The following KCNH8 variants were observed in gnomAD, a reference collection of about 807,000 sequenced individuals.
The protein encoded by KCNH8 is potassium voltage-gated channel subfamily H member 8.
Under a neutral mutation model 103.6 loss-of-function variants are expected in KCNH8, and 70 were observed. That is an observed-to-expected ratio of 0.68 (90% CI 0.56 to 0.82). The LOEUF (loss-of-function observed/expected upper bound fraction) is 0.82. KCNH8 is among the 40% of genes least tolerant of loss of function. The probability of loss-of-function intolerance (pLI) is 0.00; values close to 1 mark genes in which losing one functional copy is unlikely to be tolerated. For missense variants in KCNH8, 1,217 were observed against 1,329.9 expected, an observed-to-expected ratio of 0.92 and a Z score of 1.32; for synonymous variants, 498 against 489.4, an observed-to-expected ratio of 1.02 and a Z score of -0.23.
In KCNH8 at chr3:19,533,403, A is replaced by G. The variant is rs199880222; in HGVS notation, c.2628A>G (p.Thr876=). The part of the protein sequence containing the change: ...QINKLNSEVT[T]LTQEVSQLGK... The stretch of plus-strand genomic sequence containing the variant: ...TTGCTCTATCCACATAGGTAACAAC[A>G]TTGACTCAGGAAGTTTCTCAGTTGG... Residue 876 remains threonine, a synonymous_variant, in exon 16 of 16, where the codon ACA becomes ACG. Transcript: ENST00000328405. 2 of 1,613,146 alleles carry G rather than the reference A, an allele frequency of 1.2e-6. No homozygotes were observed. The highest frequency in any genetic ancestry group is 8.5e-7 in the Non-Finnish European group (1 of 1,179,102).
At chr3:19,353,189 A>G (rs934408314) in intron 5 of KCNH8, among the ~76,000 whole-genome samples, 2 of 152,212 alleles carry the variant, frequency 1.3e-5, no homozygotes, top group Non-Finnish European at 2.9e-5. Context: ...ACCAGGAAGA[A>G]GTTGAATCCC....
chr3:19,242,835 T>C (rs2125245983), intron 1 of KCNH8, among the ~76,000 whole-genome samples: 1 of 152,236 alleles, frequency 6.6e-6, no homozygotes, highest in South Asian at 2.1e-4. Flanking sequence ...ATAGATGAGG[T>C]GGATGAAGTG....
In KCNH8 at chr3:19,170,703, T is replaced by TACACATATATACAC. The variant is rs1186901089; in HGVS notation, c.76+21934_76+21947dup. Among the ~76,000 whole-genome samples, 25 of 144,996 alleles carry TACACATATATACAC rather than the reference T, an allele frequency of 1.7e-4. 1 individual carries two copies. The highest frequency in any genetic ancestry group is 6.2e-4 in the Admixed American group (9 of 14,440). Reference sequence around the variant, plus strand: ...ACACACATATATACACACATATATATACACATATATACACACACATATATA... The same window carrying TACACATATATACAC: ...ACACACATATATACACACATATATATACACATATATACACACACATATATACACACACATATATA... On this transcript the variant is annotated intron_variant, in intron 1 of 15. Transcript: ENST00000328405.
chr3:19,421,574 A>G (rs932385353), intron 7 of KCNH8, among the ~76,000 whole-genome samples: 37 of 152,036 alleles, frequency 2.4e-4, no homozygotes, highest in African/African-American at 8.9e-4. Flanking sequence ...TTCTTTTGGT[A>G]TAAACTTTAC....
rs142156358 is a variant in KCNH8 at position 19,392,447 on chromosome 3, C to G, written c.969+1809C>G. Among the ~76,000 whole-genome samples the G allele has an allele frequency of 3.3e-3, 503 of 151,770 alleles. 2 individuals carry two copies. The highest frequency in any genetic ancestry group is 5.4e-3 in the Non-Finnish European group (364 of 67,832). On this transcript the variant is annotated intron_variant, in intron 6 of 15. Transcript: ENST00000328405. ...ACCTAAATTCGTTATCCCTCTTAAACAAGTTAGTCAGGATCAAATATCCTA... is the reference window on the plus strand; with the variant it reads ...ACCTAAATTCGTTATCCCTCTTAAAGAAGTTAGTCAGGATCAAATATCCTA...
chr3:19,350,755 A>G (rs564142833), intron 5 of KCNH8, among the ~76,000 whole-genome samples: 3 of 152,292 alleles, frequency 2.0e-5, no homozygotes, highest in African/African-American at 7.2e-5. Context: ...CCAAAGGTAG[A>G]TAAAAACACA....
intron 5 of KCNH8, among the ~76,000 whole-genome samples, chr3:19,388,457 C>T (rs2066389402): frequency 2.6e-5 from 4 of 151,980 alleles, no homozygotes; most frequent in Admixed American, 1.3e-4. Flanking sequence ...GACCTGTCTC[C>T]CTCACGGTGG....
At chr3:19,374,849 CT>C (rs2066165801) in intron 5 of KCNH8, among the ~76,000 whole-genome samples, 1 of 152,054 alleles carries the variant, frequency 6.6e-6, no homozygotes, top group South Asian at 2.1e-4. Flanking sequence ...TATTTTATTT[CT>C]CCCTTCACTT....
intron 3 of KCNH8, among the ~76,000 whole-genome samples, chr3:19,312,279 T>C (rs2065217854): frequency 2.0e-5 from 3 of 151,948 alleles, no homozygotes; most frequent in African/African-American, 7.2e-5. Flanking sequence ...CTTCTATTTT[T>C]CCTTATTATT....
At chr3:19,313,497 G>T (rs1166801373) in intron 3 of KCNH8, among the ~76,000 whole-genome samples, 1 of 151,704 alleles carries the variant, frequency 6.6e-6, no homozygotes, top group East Asian at 1.9e-4. Flanking sequence ...TGACACAAAA[G>T]CATGACCACA....
chr3:19,313,300 TA>T (rs547471407), intron 3 of KCNH8, among the ~76,000 whole-genome samples: 2 of 151,264 alleles, frequency 1.3e-5, no homozygotes, highest in Non-Finnish European at 3.0e-5. Context: ...TGCAGTATAG[TA>T]AAAAAAAATC....
intron 5 of KCNH8, among the ~76,000 whole-genome samples, chr3:19,382,733 C>T (rs2066305057): frequency 6.6e-6 from 1 of 152,022 alleles, no homozygotes; most frequent in South Asian, 2.1e-4. Context: ...GAGTTGGACT[C>T]GAAATTCTAC....
chr3:19,474,346 G>T (rs918315626), intron 11 of KCNH8, among the ~76,000 whole-genome samples: 6 of 152,162 alleles, frequency 3.9e-5, no homozygotes, highest in Admixed American at 2.6e-4. Context: ...TGCTCAGCAG[G>T]CAGATCTGGA....
chr3:19,168,958 C>T (rs1229740303), intron 1 of KCNH8, among the ~76,000 whole-genome samples: 1 of 152,200 alleles, frequency 6.6e-6, no homozygotes, highest in African/African-American at 2.4e-5. Context: ...CTTTCCTCCT[C>T]ACCATCCCTC....
intron 1 of KCNH8, among the ~76,000 whole-genome samples, chr3:19,252,390 T>C (rs1406504490): frequency 2.8e-5 from 4 of 140,630 alleles, no homozygotes; most frequent in South Asian, 2.4e-4. Context: ...AATAGCACTC[T>C]TTTTTTTTTT....
intron 7 of KCNH8, among the ~76,000 whole-genome samples, chr3:19,396,444 C>G (rs754141192): frequency 6.6e-6 from 1 of 151,990 alleles, no homozygotes; most frequent in Non-Finnish European, 1.5e-5. Context: ...TTAAAAATAC[C>G]TCTTCACATC....
chr3:19,362,913 A>G (rs1208848935), intron 5 of KCNH8, among the ~76,000 whole-genome samples: 3 of 152,056 alleles, frequency 2.0e-5, no homozygotes, highest in Non-Finnish European at 2.9e-5. Flanking sequence ...TAGCCTCCCA[A>G]AGTGCCAGGA....
chr3:19,328,758 A>G (rs2065465588), intron 3 of KCNH8, among the ~76,000 whole-genome samples: 1 of 152,204 alleles, frequency 6.6e-6, no homozygotes, highest in Admixed American at 6.5e-5. Context: ...GAATTTCCAT[A>G]AAAGAAACTC....
At chr3:19,447,081 GA>G (rs1413094642) in intron 8 of KCNH8, among the ~76,000 whole-genome samples, 1 of 151,992 alleles carries the variant, frequency 6.6e-6, no homozygotes, top group East Asian at 1.9e-4. Context: ...AGAAATAAAG[GA>G]AAAGTAAGTG....
Sources: gnomAD v4.1 joint callset for allele counts (sites outside exome capture counted in the v4.1 genomes callset) on GRCh38, gnomAD v4.1.1 for gene constraint, MANE v1.5 for transcripts, NCBI Gene and HGNC (gene_info 2026-07-23, HGNC 2026-07-21) for gene names.